FER: variants seen among roughly 807,000 people sequenced by gnomAD.
FER encodes the protein FER tyrosine kinase.
A neutral mutation model predicts 111.0 loss-of-function variants in FER; 63 were observed. The observed-to-expected ratio is 0.57, with a 90% confidence interval of 0.46 to 0.70. FER has a LOEUF of 0.70. Among genes scored for constraint, FER ranks in the 30% least tolerant of loss-of-function variants. FER has a pLI of 0.00. For synonymous variants in FER, 327 were observed against 313.9 expected (o/e 1.04, Z -0.44); for missense variants, 914 against 954.0 (o/e 0.96, Z 0.55).
Position 108,832,800 on chromosome 5 carries a change from C to T in FER, c.238C>T (p.Gln80Ter). The T allele has an allele frequency of 1.3e-6, 2 of 1,536,142 alleles. No individual in the cohort carries two copies. The highest frequency in any genetic ancestry group is 1.8e-6 in the Non-Finnish European group (2 of 1,142,328). ...SWLLMIQQTEQLSRIMKTHAE... is the reference protein window; with the variant it reads ...SWLLMIQQTE ...GCTACTTATGATTCAGCAGACAGAACAACTTAGTAGGATAATGAAGACACA... is the reference window on the plus strand; with the variant it reads ...GCTACTTATGATTCAGCAGACAGAATAACTTAGTAGGATAATGAAGACACA... Residue 80 changes from glutamine (Q) to a stop codon, truncating the protein, a stop_gained, in exon 4 of 20, where the codon CAA becomes TAA. Transcript: ENST00000281092. LOFTEE classifies it high-confidence loss of function.
At chr5:109,026,344 A>G (rs1039121215) in intron 13 of FER, among the ~76,000 whole-genome samples, 3 of 152,224 alleles carry the variant, frequency 2.0e-5, no homozygotes, top group Non-Finnish European at 4.4e-5. Flanking sequence ...GAATGAATTT[A>G]TAGAACATTT....
At chr5:108,811,073 C>G (rs1208896512) in intron 3 of FER, among the ~76,000 whole-genome samples, 1 of 152,104 alleles carries the variant, frequency 6.6e-6, no homozygotes, top group African/African-American at 2.4e-5. Context: ...ATGGAGAGGG[C>G]CCTTCTGCCC....
intron 2 of FER, among the ~76,000 whole-genome samples, chr5:108,771,834 CTACA>C (rs1752931290): frequency 6.6e-6 from 1 of 152,060 alleles, no homozygotes; most frequent in Non-Finnish European, 1.5e-5. Flanking sequence ...GGGTAATTTC[CTACA>C]TAATCACAGT....
intron 3 of FER, among the ~76,000 whole-genome samples, chr5:108,806,105 C>T (rs1757178100): frequency 2.0e-5 from 3 of 152,166 alleles, no homozygotes; most frequent in Admixed American, 1.3e-4. Context: ...ACTTGGTGCC[C>T]TGCATCCTAG....
chr5:108,862,667 T>A (rs1178680352), intron 5 of FER, among the ~76,000 whole-genome samples: 1 of 152,216 alleles, frequency 6.6e-6, no homozygotes, highest in Non-Finnish European at 1.5e-5. Flanking sequence ...ACTTGCATGG[T>A]AACTGCCTGT....
At chr5:108,860,479 T>C (rs1274762854) in intron 5 of FER, among the ~76,000 whole-genome samples, 1 of 152,226 alleles carries the variant, frequency 6.6e-6, no homozygotes, top group Non-Finnish European at 1.5e-5. Flanking sequence ...GCACATCTAA[T>C]CAAAGGAAAA....
At position 109,001,494 on chromosome 5, in the gene FER, A is replaced by C. The variant is rs185520599; in HGVS notation, c.1657-35928A>C. On this transcript the variant is annotated intron_variant, in intron 13 of 19. Transcript: ENST00000281092. ...TGATGGGACATATCTCAAAGTAATAAGAGCTATCTATGACAAACCCACTGC... is the reference window on the plus strand; with the variant it reads ...TGATGGGACATATCTCAAAGTAATACGAGCTATCTATGACAAACCCACTGC... Among the ~76,000 whole-genome samples, 67 of 152,358 alleles carry C rather than the reference A, an allele frequency of 4.4e-4. 1 individual carries two copies. Among genetic ancestry groups the C allele is most frequent in the African/African-American group, 1.5e-3 (62 of 41,586 alleles).
At chr5:109,046,960 A>G (rs564065752) in intron 15 of FER, 144 bp from the exon 16 acceptor site, 19 of 521,232 alleles carry the variant, frequency 3.6e-5, no homozygotes, top group African/African-American at 3.2e-4. Flanking sequence ...TATACATCCA[A>G]TTTATCATAA....
chr5:109,079,899 C>G (rs1159990), intron 16 of FER, among the ~76,000 whole-genome samples: 52,712 of 151,914 alleles, frequency 0.35, 10,168 homozygotes, highest in African/African-American at 0.51. Flanking sequence ...ACATGCTTTT[C>G]TAGCAGTTTC....
intron 17 of FER, among the ~76,000 whole-genome samples, chr5:109,162,306 C>T (rs1262885496): frequency 6.6e-6 from 1 of 152,086 alleles, no homozygotes; most frequent in East Asian, 1.9e-4. Context: ...TCCCATAAGA[C>T]AGTCATATCA....
At chr5:108,991,220 C>T (rs1763128387) in intron 13 of FER, among the ~76,000 whole-genome samples, 1 of 151,720 alleles carries the variant, frequency 6.6e-6, no homozygotes, top group African/African-American at 2.4e-5. Context: ...TATATACGCA[C>T]ATGTATATAT....
chr5:108,825,474 T>G (rs1759367028), intron 3 of FER, among the ~76,000 whole-genome samples: 1 of 152,238 alleles, frequency 6.6e-6, no homozygotes. Context: ...TAAGGTTATC[T>G]CTCTTATTCC....
In FER at chr5:109,191,819, A is replaced by C. The variant is rs1223580072; in HGVS notation, c.*4244A>C. On this transcript the variant is annotated 3_prime_UTR_variant, in exon 20 of 20. Transcript: ENST00000281092. ...TGAATACTATATTTTGGAAGAATCCAAAACCACATATGAAGATACTGATTT... is the reference window on the plus strand; with the variant it reads ...TGAATACTATATTTTGGAAGAATCCCAAACCACATATGAAGATACTGATTT... The C allele has an allele frequency of 6.6e-6, 1 of 152,108 alleles. No homozygotes were observed. Among genetic ancestry groups the C allele is most frequent in the Non-Finnish European group, 1.5e-5 (1 of 68,010 alleles). The allele number at this position is 152,108 out of a possible 1,614,324, so 9.4% of individuals were successfully genotyped here. A position where few individuals can be genotyped will look rare whatever the true frequency, so the allele number is the denominator to read the frequency against.
At chr5:108,818,953 T>G (rs924492002) in intron 3 of FER, among the ~76,000 whole-genome samples, 12 of 152,200 alleles carry the variant, frequency 7.9e-5, no homozygotes, top group Non-Finnish European at 1.5e-4. Flanking sequence ...AAATAGAAAT[T>G]AAAGATTACT....
At chr5:108,927,226 A>G (rs982439987) in intron 10 of FER, among the ~76,000 whole-genome samples, 1 of 146,586 alleles carries the variant, frequency 6.8e-6, no homozygotes, top group African/African-American at 2.6e-5. Flanking sequence ...CCCATATCCC[A>G]TGTAATTCAG....
chr5:108,759,560 T>C (rs1222128993), intron 1 of FER, among the ~76,000 whole-genome samples: 1 of 152,216 alleles, frequency 6.6e-6, no homozygotes, highest in Admixed American at 6.5e-5. Flanking sequence ...GACTGAGTAA[T>C]TTAAAAATAA....
chr5:109,107,829 C>T (rs1285739509), intron 17 of FER, among the ~76,000 whole-genome samples: 2 of 152,130 alleles, frequency 1.3e-5, no homozygotes, highest in East Asian at 3.8e-4. Context: ...TCCTCCACTC[C>T]TCTTGCAAAG....
chr5:108,794,524 G>GCCCCCCCCCCCCCCCCCCCC (rs1415651696), intron 2 of FER, among the ~76,000 whole-genome samples: 4 of 53,704 alleles, frequency 7.4e-5, no homozygotes, highest in Non-Finnish European at 1.1e-4. Context: ...TGCCCCCTCC[G>GCCCCCCCCCCCCCCCCCCCC]CACCCCCCCC....
chr5:109,062,664 C>T (rs1774575769), intron 16 of FER, among the ~76,000 whole-genome samples: 1 of 152,072 alleles, frequency 6.6e-6, no homozygotes, highest in Admixed American at 6.5e-5. Context: ...GGAGACTTAG[C>T]ACCTTAACCT....
Sources: gnomAD v4.1 joint callset for allele counts (sites outside exome capture counted in the v4.1 genomes callset) on GRCh38, gnomAD v4.1.1 for gene constraint, MANE v1.5 for transcripts, NCBI Gene and HGNC (gene_info 2026-07-23, HGNC 2026-07-21) for gene names.